ARSI: variants seen among roughly 807,000 people sequenced by gnomAD.
ARSI encodes arylsulfatase I.
Under a neutral mutation model 42.1 loss-of-function variants are expected in ARSI, and 37 were observed. The ratio of observed to expected loss-of-function variants is 0.88; its 90% CI spans 0.68 to 1.16. The LOEUF (loss-of-function observed/expected upper bound fraction) is 1.16, where lower values mean the gene tolerates loss of function less well. ARSI is among the 50% of genes most tolerant of loss of function. The pLI, the probability that ARSI is intolerant of heterozygous loss-of-function variation, is 0.00. For synonymous variants in ARSI, 305 were observed against 320.3 expected, an observed-to-expected ratio of 0.95 and a Z score of 0.51; for missense variants, 725 against 790.1, an observed-to-expected ratio of 0.92 and a Z score of 0.99.
chr5:150,302,483 G>A lies in ARSI; in HGVS notation c.-110C>T, dbSNP rs1335632361. On this transcript the variant is annotated 5_prime_UTR_variant, in exon 1 of 2. Transcript: ENST00000328668. The surrounding 1 kb of genome is among the most constrained non-coding windows in gnomAD (Gnocchi z 6.1). ...GGCTCGGATGCTGCGAGGGAGTTCA[G>A]CGCCCCCCGGGGACGGTCCAGTGTC... is the stretch of plus-strand genomic sequence containing the variant. 6.3e-6 allele frequency: 5 copies of A among 799,300 alleles called. No individual in the cohort carries two copies. The highest frequency in any genetic ancestry group is 8.8e-6 in the Non-Finnish European group (5 of 568,220). 49.5% of individuals were successfully genotyped at this position (799,300 alleles called of 1,614,324 possible).
chr5:150,299,465 C>T (rs567480825), intron 1 of ARSI, among the ~76,000 whole-genome samples: 1 of 152,242 alleles, frequency 6.6e-6, no homozygotes, highest in South Asian at 2.1e-4. Flanking sequence ...AAGTGATGTT[C>T]AAAGAGCACT....
intron 1 of ARSI, 69 bp from the exon 2 acceptor site, chr5:150,298,681 C>T: frequency 1.4e-6 from 2 of 1,432,876 alleles, no homozygotes; most frequent in Non-Finnish European, 1.9e-6. Context: ...GCCATCCAGT[C>T]CCCAGTACCA....
At chr5:150,299,902 C>G (rs1757891945) in intron 1 of ARSI, among the ~76,000 whole-genome samples, 1 of 152,160 alleles carries the variant, frequency 6.6e-6, no homozygotes, top group Non-Finnish European at 1.5e-5. Flanking sequence ...TCCTGAATTC[C>G]TCATTTATCC....
rs754532637 is a variant in ARSI, at chr5:150,302,162, G to A, written c.212C>T (p.Thr71Ile). ...GGCCGCCAGCCTGTCCAGCGTAGGGGTCTCGATATCTGAACCATGGTAGCC... is the reference window on the plus strand; with the variant it reads ...GGCCGCCAGCCTGTCCAGCGTAGGGATCTCGATATCTGAACCATGGTAGCC... ...DVGYHGSDIE[T>I]PTLDRLAAKG... Residue 71 changes from threonine (T) to isoleucine (I), a missense_variant, in exon 1 of 2, where the codon ACC becomes ATC. Physicochemically the swap from Thr to Ile is moderately conservative, Grantham distance 89. Coordinates refer to ENST00000328668, the MANE Select transcript of ARSI (RefSeq NM_001012301.4). This position sits in a 1 kb window ranked among gnomAD's most constrained non-coding sequence, Gnocchi z 6.1. 6.2e-7 allele frequency: 1 copy of A among 1,614,000 alleles called. No homozygotes were observed. Among genetic ancestry groups the A allele is most frequent in the Non-Finnish European group, 8.5e-7 (1 of 1,180,008 alleles).
chr5:150,300,650 G>A (rs951258791), intron 1 of ARSI, among the ~76,000 whole-genome samples: 1 of 152,208 alleles, frequency 6.6e-6, no homozygotes, highest in Non-Finnish European at 1.5e-5. Context: ...CACTAACGAG[G>A]GCTGTAAGCA....
rs528847762 is a variant in ARSI at position 150,297,790 on chromosome 5, G to A, written c.1134C>T (p.Ser378=). The part of the protein sequence containing the change: ...LDGYDVWPAI[S]EGRASPRTEI... ...CCGTGCGTGGTGAGGCCCGGCCCTC[G>A]CTGATGGCCGGCCACACGTCGTAGC... The change falls in exon 2 of 2, where the codon AGC becomes AGT. Residue 378 remains serine, a synonymous_variant. Coordinates refer to ENST00000328668, the MANE Select transcript of ARSI (RefSeq NM_001012301.4). This position sits in a 1 kb window ranked among gnomAD's most constrained non-coding sequence, Gnocchi z 7.0. 18 of 1,604,364 alleles carry A rather than the reference G, an allele frequency of 1.1e-5. No homozygotes were observed. Among genetic ancestry groups the A allele is most frequent in the East Asian group, 6.7e-5 (3 of 44,720 alleles).
chr5:150,298,136 T>C lies in ARSI; in HGVS notation c.788A>G (p.Tyr263Cys), dbSNP rs2150320392. The C allele has an allele frequency of 6.2e-7, 1 of 1,613,906 alleles. No homozygotes were observed. Among genetic ancestry groups the C allele is most frequent in the South Asian group, 1.1e-5 (1 of 91,078 alleles). ...ATCCATGCAGGTCACCATGGCCGCG[T>C]ACTTCCGCCGGGCCACATTGCCCAT... is the stretch of plus-strand genomic sequence containing the variant. ...RTMGNVARRK[Y>C]AAMVTCMDEA... The change falls in exon 2 of 2, where the codon TAC becomes TGC. Residue 263 changes from tyrosine (Y) to cysteine (C), a missense_variant. Tyr to Cys is a radical substitution (Grantham distance 194, BLOSUM62 -2). Coordinates refer to ENST00000328668, the MANE Select transcript of ARSI (RefSeq NM_001012301.4).
At position 150,297,965 on chromosome 5, in the gene ARSI, T is replaced by C; in HGVS notation, c.959A>G (p.Glu320Gly). The C allele has an allele frequency of 6.2e-7, 1 of 1,612,008 alleles. No homozygotes were observed. The highest frequency in any genetic ancestry group is 8.5e-7 in the Non-Finnish European group (1 of 1,179,438). ...AAAGCCTAGGCCCCGCACGCCACCT[T>C]CCCAATAAGTGCCCTTGCGTCCTCG... is the stretch of plus-strand genomic sequence containing the variant. ...PLRGRKGTYW[E>G]GGVRGLGFVH... The change falls in exon 2 of 2, where the codon GAA becomes GGA. Residue 320 changes from glutamate to glycine, a missense_variant. Physicochemically the swap from Glu to Gly is moderately conservative, Grantham distance 98. Transcript: ENST00000328668. This position sits in a 1 kb window ranked among gnomAD's most constrained non-coding sequence, Gnocchi z 7.0.
chr5:150,300,214 A>G (rs549231340), intron 1 of ARSI, among the ~76,000 whole-genome samples: 25 of 152,328 alleles, frequency 1.6e-4, no homozygotes, highest in African/African-American at 6.0e-4. Context: ...TATGTGCCAT[A>G]CACATACATT....
At position 150,297,119 on chromosome 5, in the gene ARSI, T is replaced by C. The variant is rs1475024044; in HGVS notation, c.*95A>G. 2 of 1,355,402 alleles carry C rather than the reference T, an allele frequency of 1.5e-6. No homozygotes were observed. Among genetic ancestry groups the C allele is most frequent in the South Asian group, 1.4e-5 (1 of 70,550 alleles). The allele number at this position is 1,355,402 out of a possible 1,614,324, so 84.0% of individuals were successfully genotyped here. ...GGACTCTACACCCTCCAACTCCCTG[T>C]AGATGGAGATGTGACAGGCTTCTCC... is the stretch of plus-strand genomic sequence containing the variant. On this transcript the variant is annotated 3_prime_UTR_variant, in exon 2 of 2. Coordinates refer to ENST00000328668, the MANE Select transcript of ARSI (RefSeq NM_001012301.4). The surrounding 1 kb of genome is among the most constrained non-coding windows in gnomAD (Gnocchi z 7.0).
chr5:150,297,760 G>A lies in ARSI; in HGVS notation c.1164C>T (p.Ile388=). The change falls in exon 2 of 2, where the codon ATC becomes ATT. Residue 388 remains isoleucine, a synonymous_variant. Coordinates refer to ENST00000328668, the MANE Select transcript of ARSI (RefSeq NM_001012301.4). The surrounding 1 kb of genome is among the most constrained non-coding windows in gnomAD (Gnocchi z 7.0). ...SEGRASPRTE[I]LHNIDPLYNH... ...TGTAGAGTGGGTCAATGTTGTGCAG[G>A]ATCTCCGTGCGTGGTGAGGCCCGGC... The A allele has an allele frequency of 6.2e-7, 1 of 1,609,788 alleles. No homozygotes were observed. The highest frequency in any genetic ancestry group is 8.5e-7 in the Non-Finnish European group (1 of 1,177,758).
Position 150,297,783 on chromosome 5 carries a change from G to A in ARSI, c.1141C>T (p.Arg381Trp), listed in dbSNP as rs768458249. ...AGGATCTCCGTGCGTGGTGAGGCCC[G>A]GCCCTCGCTGATGGCCGGCCACACG... ...YDVWPAISEG[R>W]ASPRTEILHN... The change falls in exon 2 of 2, where the codon CGG (arginine) becomes TGG (tryptophan). Residue 381 changes from arginine (R) to tryptophan (W), a missense_variant. Arg to Trp is a moderately radical substitution (Grantham distance 101, BLOSUM62 -3). Transcript: ENST00000328668. This position sits in a 1 kb window ranked among gnomAD's most constrained non-coding sequence, Gnocchi z 7.0. 3.3e-5 allele frequency: 53 copies of A among 1,604,922 alleles called. No homozygotes were observed. The highest frequency in any genetic ancestry group is 4.5e-5 in the East Asian group (2 of 44,708).
chr5:150,298,732 A>G, intron 1 of ARSI, 120 bp from the exon 2 acceptor site: 2 of 875,268 alleles, frequency 2.3e-6, no homozygotes, highest in South Asian at 3.6e-5. Flanking sequence ...CAGCAAAAAT[A>G]ATAACAGTAA....
Position 150,297,142 on chromosome 5 carries a change from T to A in ARSI, c.*72A>T. ...TGTAGATGGAGATGTGACAGGCTTCTCCCTGAGAAACAGCAGGGCCAAGCC... is the reference window on the plus strand; with the variant it reads ...TGTAGATGGAGATGTGACAGGCTTCACCCTGAGAAACAGCAGGGCCAAGCC... On this transcript the variant is annotated 3_prime_UTR_variant, in exon 2 of 2. Transcript: ENST00000328668. The surrounding 1 kb of genome is among the most constrained non-coding windows in gnomAD (Gnocchi z 7.0). 1 of 1,471,418 alleles carries A rather than the reference T, an allele frequency of 6.8e-7. No homozygotes were observed. The highest frequency in any genetic ancestry group is 2.3e-5 in the East Asian group (1 of 43,838). The allele number at this position is 1,471,418 out of a possible 1,614,324, so 91.1% of individuals were successfully genotyped here. A position where few individuals can be genotyped will look rare whatever the true frequency, so the allele number is the denominator to read the frequency against.
intron 1 of ARSI, among the ~76,000 whole-genome samples, chr5:150,299,622 G>C (rs188771440): frequency 6.6e-6 from 1 of 151,810 alleles, no homozygotes; most frequent in African/African-American, 2.4e-5. Flanking sequence ...AACTGAGGTC[G>C]CTCGGTGGTC....
Position 150,302,221 on chromosome 5 carries a change from G to A in ARSI, c.153C>T (p.Phe51=), listed in dbSNP as rs746230231. ...AAPPQPPHII[F]ILTDDQGYHD... ...GGTAGCCTTGGTCGTCCGTGAGGAT[G>A]AAGATGATGTGGGGAGGCTGGGGCG... Residue 51 remains phenylalanine, a synonymous_variant, in exon 1 of 2, where the codon TTC becomes TTT. Coordinates refer to ENST00000328668, the MANE Select transcript of ARSI (RefSeq NM_001012301.4). This position sits in a 1 kb window ranked among gnomAD's most constrained non-coding sequence, Gnocchi z 6.1. The A allele has an allele frequency of 6.2e-7, 1 of 1,613,806 alleles. No individual in the cohort carries two copies. Among genetic ancestry groups the A allele is most frequent in the Non-Finnish European group, 8.5e-7 (1 of 1,179,990 alleles).
Position 150,298,373 on chromosome 5 carries a change from T to A in ARSI, c.551A>T (p.Asp184Val), listed in dbSNP as rs963510352. 1 of 1,614,198 alleles carries A rather than the reference T, an allele frequency of 6.2e-7. No homozygotes were observed. Among genetic ancestry groups the A allele is most frequent in the Non-Finnish European group, 8.5e-7 (1 of 1,180,044 alleles). ...NVDYYTYDNC[D>V]GPGVCGFDLH... ...GTCGAAGCCGCACACGCCTGGGCCA[T>A]CACAGTTGTCATAGGTGTAATAGTC... The change falls in exon 2 of 2, where the codon GAT becomes GTT. Residue 184 changes from aspartate to valine, a missense_variant. Coordinates refer to ENST00000328668, the MANE Select transcript of ARSI (RefSeq NM_001012301.4).
intron 1 of ARSI, among the ~76,000 whole-genome samples, chr5:150,298,977 T>C (rs1757874203): frequency 6.6e-6 from 1 of 152,202 alleles, no homozygotes. Flanking sequence ...GAGCTTGGCA[T>C]TACACTAATC....
Position 150,298,341 on chromosome 5 carries a change from C to G in ARSI, c.583G>C (p.Glu195Gln), listed in dbSNP as rs1036095892. The G allele has an allele frequency of 1.2e-6, 2 of 1,613,992 alleles. No homozygotes were observed. The highest frequency in any genetic ancestry group is 2.7e-5 in the African/African-American group (2 of 74,930). ...AGCCCCCAGGCCACATTCTCACCCTCGTGCAGGTCGAAGCCGCACACGCCT... is the reference window on the plus strand; with the variant it reads ...AGCCCCCAGGCCACATTCTCACCCTGGTGCAGGTCGAAGCCGCACACGCCT... ...GPGVCGFDLHEGENVAWGLSG... is the reference protein window; with the variant it reads ...GPGVCGFDLHQGENVAWGLSG... Residue 195 changes from glutamate (E) to glutamine (Q), a missense_variant, in exon 2 of 2, where the codon GAG (glutamate) becomes CAG (glutamine). By Grantham distance (29) the Glu-to-Gln change is conservative (BLOSUM62 2). Coordinates refer to ENST00000328668, the MANE Select transcript of ARSI (RefSeq NM_001012301.4).
Sources: gnomAD v4.1 joint callset for allele counts (sites outside exome capture counted in the v4.1 genomes callset) on GRCh38, gnomAD v4.1.1 for gene constraint, Gnocchi (gnomAD v3.1) non-coding constraint, MANE v1.5 for transcripts, NCBI Gene and HGNC (gene_info 2026-07-23, HGNC 2026-07-21) for gene names.